BBS12: variants seen among roughly 807,000 people sequenced by gnomAD.
The protein encoded by BBS12 is chaperonin-containing T-complex member BBS12.
Under a neutral mutation model 5.6 loss-of-function variants are expected in BBS12, and 5 were observed. The observed-to-expected ratio is 0.89, with a 90% confidence interval of 0.46 to 1.86. BBS12 has a LOEUF of 1.86. Ranked by LOEUF, BBS12 falls within the 40% of genes most tolerant of loss-of-function variation. The pLI, the probability that BBS12 is intolerant of heterozygous loss-of-function variation, is 0.01. For missense variants in BBS12, 748 were observed against 830.4 expected, an observed-to-expected ratio of 0.90 and a Z score of 1.22; for synonymous variants, 308 against 306.8, an observed-to-expected ratio of 1.00 and a Z score of -0.04.
At chr4:122,722,092 G>A in the BBS12 span, among the ~76,000 whole-genome samples, 2 of 152,024 alleles carry the variant, frequency 1.3e-5, no homozygotes, top group Non-Finnish European at 2.9e-5. Flanking sequence ...CAATCCTCTA[G>A]AATTGATTTT....
At chr4:122,718,665 G>A in the BBS12 span, among the ~76,000 whole-genome samples, 1 of 151,718 alleles carries the variant, frequency 6.6e-6, no homozygotes, top group Non-Finnish European at 1.5e-5. Flanking sequence ...CTGCTAAACT[G>A]GGCTAAGACT....
intron 1 of BBS12, among the ~76,000 whole-genome samples, chr4:122,739,943 A>G (rs910769584): frequency 2.0e-5 from 3 of 152,248 alleles, no homozygotes; most frequent in African/African-American, 7.2e-5. Context: ...AAGTGAATGA[A>G]GACTTTGACA....
Position 122,743,087 on chromosome 4 carries a change from C to G in BBS12, c.1195C>G (p.His399Asp). 1 of 1,614,254 alleles carries G rather than the reference C, an allele frequency of 6.2e-7. No individual in the cohort carries two copies. Among genetic ancestry groups the G allele is most frequent in the Non-Finnish European group, 8.5e-7 (1 of 1,180,044 alleles). The change falls in exon 2 of 2, where the codon CAC becomes GAC. Residue 399 changes from histidine (H) to aspartate (D), a missense_variant. Transcript: ENST00000314218. The stretch of plus-strand genomic sequence containing the variant: ...CAGCTCAGAAGAACTGTGGGCAAAT[C>G]ACGTGTTACAGGTGTTAATCCAGTT... Reference protein sequence around the residue: ...EDSSEELWANHVLQVLIQFKV... With the variant: ...EDSSEELWANDVLQVLIQFKV...
At chr4:122,732,077 C>T (rs1034481172), upstream of BBS12, 1 of 152,162 alleles carries the variant, frequency 6.6e-6, no homozygotes. Context: ...TGGTTCCAGA[C>T]CCATCAATAT....
intron 1 of BBS12, among the ~76,000 whole-genome samples, chr4:122,738,431 C>T (rs867460421): frequency 3.9e-5 from 6 of 152,060 alleles, no homozygotes; most frequent in Admixed American, 6.6e-5. Flanking sequence ...GGAATGGTCT[C>T]GATCTCCTGA....
chr4:122,726,088 C>T, the BBS12 span, among the ~76,000 whole-genome samples: 1 of 151,970 alleles, frequency 6.6e-6, no homozygotes, highest in African/African-American at 2.4e-5. Context: ...CTTAATTAAA[C>T]TAAAGAGCTT....
chr4:122,735,964 A>G (rs1052608927), intron 1 of BBS12, among the ~76,000 whole-genome samples: 5 of 152,186 alleles, frequency 3.3e-5, no homozygotes, highest in Non-Finnish European at 7.3e-5. Context: ...AAAAGCAGAA[A>G]ATTTGAGAAA....
chr4:122,730,777 T>A (rs960345805), upstream of BBS12: 2 of 152,138 alleles, frequency 1.3e-5, no homozygotes, highest in African/African-American at 4.8e-5. Context: ...ACATAAGTTA[T>A]AATTACATAT....
At chr4:122,702,369 G>A in the BBS12 span, among the ~76,000 whole-genome samples, 1 of 152,320 alleles carries the variant, frequency 6.6e-6, no homozygotes, top group East Asian at 1.9e-4. Context: ...AACTGGAATA[G>A]GAGCAAAGAG....
At chr4:122,717,401 T>C in the BBS12 span, among the ~76,000 whole-genome samples, 6 of 152,250 alleles carry the variant, frequency 3.9e-5, no homozygotes, top group Non-Finnish European at 7.3e-5. Flanking sequence ...CTTTCTTTTT[T>C]TTTAAGTGCT....
chr4:122,709,497 TAAAG>T, the BBS12 span, among the ~76,000 whole-genome samples: 1 of 152,168 alleles, frequency 6.6e-6, no homozygotes, highest in Non-Finnish European at 1.5e-5. Context: ...GATCCCCTAA[TAAAG>T]AAGTTTATGA....
the BBS12 span, among the ~76,000 whole-genome samples, chr4:122,719,666 C>A: frequency 6.6e-6 from 1 of 152,126 alleles, no homozygotes; most frequent in Non-Finnish European, 1.5e-5. Flanking sequence ...GGAACCAATT[C>A]CCGACACAAG....
At chr4:122,740,762 A>C (rs1800858546) in intron 1 of BBS12, among the ~76,000 whole-genome samples, 1 of 152,220 alleles carries the variant, frequency 6.6e-6, no homozygotes, top group African/African-American at 2.4e-5. Context: ...GTGTTATCAG[A>C]GTGGTAATAT....
At chr4:122,707,987 T>TCCTTCC in the BBS12 span, among the ~76,000 whole-genome samples, 3 of 149,316 alleles carry the variant, frequency 2.0e-5, no homozygotes, top group Non-Finnish European at 4.5e-5. Context: ...CTTTCTTTCT[T>TCCTTCC]TTCTCTCTTT....
chr4:122,719,149 A>G, the BBS12 span, among the ~76,000 whole-genome samples: 36 of 152,144 alleles, frequency 2.4e-4, no homozygotes, highest in Non-Finnish European at 4.0e-4. Context: ...CAAGACTGAG[A>G]GGTGAAGCCG....
the BBS12 span, among the ~76,000 whole-genome samples, chr4:122,722,575 T>C: frequency 2.0e-5 from 3 of 152,194 alleles, no homozygotes; most frequent in Non-Finnish European, 4.4e-5. Context: ...TTTCTCTCAA[T>C]ACTTCTTAAT....
the BBS12 span, among the ~76,000 whole-genome samples, chr4:122,714,850 A>C: frequency 9.9e-4 from 150 of 152,234 alleles, 2 homozygotes; most frequent in Middle Eastern, 3.4e-3. Flanking sequence ...ATAGTTTATA[A>C]TTTTTTGGAA....
At chr4:122,713,472 C>T in the BBS12 span, among the ~76,000 whole-genome samples, 1 of 152,114 alleles carries the variant, frequency 6.6e-6, no homozygotes, top group Non-Finnish European at 1.5e-5. Context: ...CATTGCACTC[C>T]AGCCTGGGCA....
chr4:122,713,417 A>G, the BBS12 span, among the ~76,000 whole-genome samples: 2 of 152,240 alleles, frequency 1.3e-5, no homozygotes, highest in South Asian at 2.1e-4. Flanking sequence ...ACTTGAGCCC[A>G]GGAGTTCAAG....
Sources: gnomAD v4.1 joint callset for allele counts (sites outside exome capture counted in the v4.1 genomes callset) on GRCh38, gnomAD v4.1.1 for gene constraint, MANE v1.5 for transcripts, NCBI Gene and HGNC (gene_info 2026-07-23, HGNC 2026-07-21) for gene names.